RAET1E: variants seen among roughly 807,000 people sequenced by gnomAD.
RAET1E encodes NKG2D ligand 4.
Under a neutral mutation model 21.1 loss-of-function variants are expected in RAET1E, and 27 were observed. The ratio of observed to expected loss-of-function variants is 1.28; its 90% CI spans 0.94 to 1.76. RAET1E has a LOEUF of 1.76. Among genes scored for constraint, RAET1E ranks in the 40% most tolerant of loss-of-function variants. The probability of loss-of-function intolerance (pLI) is 0.00; values close to 1 mark genes in which losing one functional copy is unlikely to be tolerated. For missense variants in RAET1E, 310 were observed against 311.3 expected (o/e 1.00, Z 0.03); for synonymous variants, 113 against 115.0 (o/e 0.98, Z 0.11).
rs1777508600 is a variant in RAET1E at position 149,884,150 on chromosome 6, T to G, written c.*4348A>C. ...GTGTTAGAACCAGGTGGGCTGGTGGTAGGATCATAGGTCCACAATCTCACG... is the reference window on the plus strand; with the variant it reads ...GTGTTAGAACCAGGTGGGCTGGTGGGAGGATCATAGGTCCACAATCTCACG... On this transcript the variant is annotated 3_prime_UTR_variant, in exon 6 of 6. Transcript: ENST00000357183. The G allele has an allele frequency of 3.7e-6, 1 of 270,580 alleles. No homozygotes were observed. The highest frequency in any genetic ancestry group is 2.2e-5 in the African/African-American group (1 of 46,124). 16.8% of individuals were successfully genotyped at this position (270,580 alleles called of 1,614,324 possible).
In RAET1E at chr6:149,887,515, A is replaced by G. The variant is rs7757984; in HGVS notation, c.*983T>C. Among the ~76,000 whole-genome samples, 66,866 of 152,040 alleles carry G rather than the reference A, an allele frequency of 0.44. 15,416 individuals carry two copies. Among genetic ancestry groups the G allele is most frequent in the East Asian group, 0.88 (4,568 of 5,172 alleles). On this transcript the variant is annotated 3_prime_UTR_variant, in exon 6 of 6. Coordinates refer to ENST00000357183, the MANE Select transcript of RAET1E (RefSeq NM_001394057.1). ...AGCCTGTTGTGACACCGATCTTGGCAAACTCACTTTTCATGTCAGGGCCCC... is the reference window on the plus strand; with the variant it reads ...AGCCTGTTGTGACACCGATCTTGGCGAACTCACTTTTCATGTCAGGGCCCC...
Position 149,890,094 on chromosome 6 carries a change from C to A in RAET1E, c.137G>T (p.Gly46Val). The A allele has an allele frequency of 1.2e-6, 2 of 1,614,012 alleles. No homozygotes were observed. The highest frequency in any genetic ancestry group is 1.7e-6 in the Non-Finnish European group (2 of 1,179,924). ...GACCTGCGCTTCACACCAGGGCTGTCCAGGTCTGGACAATGATTTTATAGT... is the reference window on the plus strand; with the variant it reads ...GACCTGCGCTTCACACCAGGGCTGTACAGGTCTGGACAATGATTTTATAGT... ...NFTIKSLSRP[G>V]QPWCEAQVFL... The change falls in exon 4 of 6, where the codon GGA (glycine) becomes GTA (valine). Residue 46 changes from glycine to valine, a missense_variant. Physicochemically the swap from Gly to Val is moderately radical, Grantham distance 109. Coordinates refer to ENST00000357183, the MANE Select transcript of RAET1E (RefSeq NM_001394057.1).
At chr6:149,895,463 A>G (rs937048939) in intron 2 of RAET1E, 4 of 152,320 alleles carry the variant, frequency 2.6e-5, no homozygotes, top group Admixed American at 2.6e-4. Flanking sequence ...CCCAGTTCCA[A>G]CTTCCCAGCA....
rs754702684 is a variant in RAET1E at position 149,886,555 on chromosome 6, C to T, written c.*1943G>A. Among the ~76,000 whole-genome samples, 19 of 152,188 alleles carry T rather than the reference C, an allele frequency of 1.2e-4. No homozygotes were observed. Among genetic ancestry groups the T allele is most frequent in the Non-Finnish European group, 1.9e-4 (13 of 68,040 alleles). On this transcript the variant is annotated 3_prime_UTR_variant, in exon 6 of 6. Transcript: ENST00000357183. The stretch of plus-strand genomic sequence containing the variant: ...GATTACAGGCCCATGCCACCACACC[C>T]GGCTAATTTTTGTATTTTTAGTAGA...
chr6:149,889,541 A>C lies in RAET1E; in HGVS notation c.429T>G (p.Asn143Lys), dbSNP rs1405475110. 1.9e-6 allele frequency: 3 copies of C among 1,614,116 alleles called. No homozygotes were observed. The South Asian group carries it at 3.3e-5, about 18-fold the overall frequency. Residue 143 changes from asparagine to lysine, a missense_variant, in exon 5 of 6, where the codon AAT becomes AAG. By Grantham distance (94) the Asn-to-Lys change is moderately conservative (BLOSUM62 0). Coordinates refer to ENST00000357183, the MANE Select transcript of RAET1E (RefSeq NM_001394057.1). ...CTGASWQFAT[N>K]GEKSLLFDAM... ...CGTCAAAGAGGAGGGATTTCTCTCC[A>C]TTGGTGGCGAACTGCCAGGATGCAC...
chr6:149,895,013 C>T (rs972254329), intron 2 of RAET1E, among the ~76,000 whole-genome samples: 3 of 152,182 alleles, frequency 2.0e-5, no homozygotes, highest in Non-Finnish European at 4.4e-5. Context: ...ACCATCAGGC[C>T]CCTCTGCTGC....
intron 2 of RAET1E, among the ~76,000 whole-genome samples, chr6:149,891,484 T>TTGTGTGTGTGTGTGTGTGTGTGTG (rs58899076): frequency 1.4e-4 from 21 of 149,912 alleles, no homozygotes; most frequent in African/African-American, 5.2e-4. Flanking sequence ...CAGATGGGTT[T>TTGTGTGTGTGTGTGTGTGTGTGTG]TGTGTGTGTG....
At position 149,884,486 on chromosome 6, in the gene RAET1E, C is replaced by G. The variant is rs757365879; in HGVS notation, c.*4012G>C. On this transcript the variant is annotated 3_prime_UTR_variant, in exon 6 of 6. Transcript: ENST00000357183. ...CAACTCTGCGCCGCCGTGGTATCAC[C>G]TCTAGGTGGATCTTCTGCCTTTAGG... is the stretch of plus-strand genomic sequence containing the variant. The G allele has an allele frequency of 6.5e-7, 1 of 1,536,012 alleles. No individual in the cohort carries two copies. The highest frequency in any genetic ancestry group is 1.2e-5 in the South Asian group (1 of 84,058).
intron 5 of RAET1E, chr6:149,888,971 A>T: frequency 1.2e-6 from 1 of 837,034 alleles, no homozygotes; most frequent in Non-Finnish European, 1.7e-6. Context: ...GGTGGTGCTT[A>T]ATTCTGTGTG....
In RAET1E at chr6:149,884,614, A is replaced by G. The variant is rs1562461071; in HGVS notation, c.*3884T>C. On this transcript the variant is annotated 3_prime_UTR_variant, in exon 6 of 6. Transcript: ENST00000357183. ...CCCACCTCTCTCTCAGGGAGAGATC[A>G]GCCGCTATTGTTCACATTCTGCCTC... The G allele has an allele frequency of 7.6e-6, 7 of 921,994 alleles. No individual in the cohort carries two copies. The highest frequency in any genetic ancestry group is 6.7e-6 in the Non-Finnish European group (4 of 592,790). 57.1% of individuals were successfully genotyped at this position (921,994 alleles called of 1,614,324 possible). A position where few individuals can be genotyped will look rare whatever the true frequency, so the allele number is the denominator to read the frequency against.
At chr6:149,896,841 G>A (rs895680793) in intron 1 of RAET1E, among the ~76,000 whole-genome samples, 2 of 152,082 alleles carry the variant, frequency 1.3e-5, no homozygotes, top group Admixed American at 6.6e-5. Flanking sequence ...AGAAAGAGCT[G>A]CAGACAGGCT....
Position 149,887,693 on chromosome 6 carries a change from G to A in RAET1E, c.*805C>T, listed in dbSNP as rs1032890848. Among the ~76,000 whole-genome samples the A allele has an allele frequency of 6.6e-6, 1 of 152,164 alleles. No individual in the cohort carries two copies. Among genetic ancestry groups the A allele is most frequent in the Non-Finnish European group, 1.5e-5 (1 of 68,022 alleles). Reference sequence around the variant, plus strand: ...GAATCCTAACTTTGAACTCCACAGAGAGAGCCCCAGGAACTGTGACTTGAA... The same window carrying A: ...GAATCCTAACTTTGAACTCCACAGAAAGAGCCCCAGGAACTGTGACTTGAA... On this transcript the variant is annotated 3_prime_UTR_variant, in exon 6 of 6. Coordinates refer to ENST00000357183, the MANE Select transcript of RAET1E (RefSeq NM_001394057.1).
chr6:149,894,046 T>C (rs533503189), intron 2 of RAET1E, among the ~76,000 whole-genome samples: 26 of 152,242 alleles, frequency 1.7e-4, no homozygotes, highest in Non-Finnish European at 3.7e-4. Flanking sequence ...ATCCCAGGTA[T>C]GAAGCCAACT....
At chr6:149,889,127 G>C in intron 5 of RAET1E, 2 of 1,430,402 alleles carry the variant, frequency 1.4e-6, no homozygotes, top group Non-Finnish European at 1.8e-6. Flanking sequence ...TGGATCATTG[G>C]TTAATGGGAA....
At position 149,888,507 on chromosome 6, in the gene RAET1E, C is replaced by G; in HGVS notation, c.783G>C (p.Arg261Ser). 1 of 1,612,954 alleles carries G rather than the reference C, an allele frequency of 6.2e-7. No individual in the cohort carries two copies. ...GEWQAGLWPL[R>S]TS ...TTGAGTCCTTACCAGACTAAGACGT[C>G]CTCAAGGGCCAGAGACCAGCCTGCC... The change falls in exon 6 of 6, where the codon AGG becomes AGC. Residue 261 changes from arginine to serine, a missense_variant. Transcript: ENST00000357183.
Position 149,890,119 on chromosome 6 carries a change from T to A in RAET1E, c.112A>T (p.Thr38Ser). The A allele has an allele frequency of 6.2e-7, 1 of 1,614,028 alleles. No individual in the cohort carries two copies. Among genetic ancestry groups the A allele is most frequent in the South Asian group, 1.1e-5 (1 of 91,066 alleles). ...VGGHSLCFNF[T>S]IKSLSRPGQP... The stretch of plus-strand genomic sequence containing the variant: ...CCAGGTCTGGACAATGATTTTATAG[T>A]GAAGTTGAAGCAAAGAGAGTGACCA... Residue 38 changes from threonine (T) to serine (S), a missense_variant, in exon 4 of 6, where the codon ACT (threonine) becomes TCT (serine). Coordinates refer to ENST00000357183, the MANE Select transcript of RAET1E (RefSeq NM_001394057.1).
chr6:149,887,465 A>G lies in RAET1E; in HGVS notation c.*1033T>C, dbSNP rs1219339893. ...AGCCCCTTCTGGACCAGTGGCCCTTATCTGACTCAAGCCATATCTTGCCAA... is the reference window on the plus strand; with the variant it reads ...AGCCCCTTCTGGACCAGTGGCCCTTGTCTGACTCAAGCCATATCTTGCCAA... On this transcript the variant is annotated 3_prime_UTR_variant, in exon 6 of 6. Coordinates refer to ENST00000357183, the MANE Select transcript of RAET1E (RefSeq NM_001394057.1). 3.3e-5 allele frequency among the ~76,000 whole-genome samples: 5 copies of G among 152,118 alleles called. No homozygotes were observed. The highest frequency in any genetic ancestry group is 7.2e-5 in the African/African-American group (3 of 41,436).
chr6:149,888,317 C>T lies in RAET1E; in HGVS notation c.*181G>A. 1.3e-6 allele frequency: 1 copy of T among 787,916 alleles called. No individual in the cohort carries two copies. Among genetic ancestry groups the T allele is most frequent in the Non-Finnish European group, 2.1e-6 (1 of 474,258 alleles). The allele number at this position is 787,916 out of a possible 1,614,324, so 48.8% of individuals were successfully genotyped here. On this transcript the variant is annotated 3_prime_UTR_variant, in exon 6 of 6. Transcript: ENST00000357183. ...AGGCGTTCCAGATCTTTGACCTTGC[C>T]CCTCCTCGAGAGGAGATGATTGCTT...
chr6:149,886,318 T>C lies in RAET1E; in HGVS notation c.*2180A>G, dbSNP rs942277320. ...ATTTTTCCAGATAGCTTCCTGCTGT[T>C]GATTTCTAGTTTATTTCCATTGTGC... is the stretch of plus-strand genomic sequence containing the variant. On this transcript the variant is annotated 3_prime_UTR_variant, in exon 6 of 6. Transcript: ENST00000357183. 2.6e-5 allele frequency among the ~76,000 whole-genome samples: 4 copies of C among 152,242 alleles called. No homozygotes were observed. The South Asian group carries it at 8.3e-4, about 32-fold the overall frequency.
Sources: gnomAD v4.1 joint callset for allele counts (sites outside exome capture counted in the v4.1 genomes callset) on GRCh38, gnomAD v4.1.1 for gene constraint, MANE v1.5 for transcripts, NCBI Gene and HGNC (gene_info 2026-07-23, HGNC 2026-07-21) for gene names.